Variants in AP4M1 observed in about 807,000 individuals in gnomAD.
AP4M1 encodes AP-4 complex subunit mu-1.
Under a neutral mutation model 62.4 loss-of-function variants are expected in AP4M1, and 58 were observed. The observed-to-expected ratio is 0.93, with a 90% confidence interval of 0.75 to 1.16. AP4M1 has a LOEUF of 1.16. AP4M1 is among the 50% of genes most tolerant of loss of function. The pLI is 0.00. For missense variants in AP4M1, 626 were observed against 585.4 expected (o/e 1.07, Z -0.72); for synonymous variants, 290 against 239.7 (o/e 1.21, Z -1.94).
chr7:100,108,501 G>T lies in AP4M1; in HGVS notation c.*1619G>T. On this transcript the variant is annotated 3_prime_UTR_variant, in exon 15 of 15. Coordinates refer to ENST00000359593, the MANE Select transcript of AP4M1 (RefSeq NM_004722.4). ...GCCCGATAGGCGTCCTGATTGTCAG[G>T]CGGTGGGCGCAGCTTTGCCAGAACA... 1 of 1,613,420 alleles carries T rather than the reference G, an allele frequency of 6.2e-7. No individual in the cohort carries two copies. Among genetic ancestry groups the T allele is most frequent in the Non-Finnish European group, 8.5e-7 (1 of 1,179,476 alleles).
chr7:100,102,842 C>G, intron 3 of AP4M1, 22 bp from the exon 4 acceptor site: 3 of 1,613,714 alleles, frequency 1.9e-6, no homozygotes, highest in Non-Finnish European at 2.5e-6. Flanking sequence ...GGAGAAAATA[C>G]ACGCTCCAAG....
At chr7:100,102,224 T>C (rs928062040) in intron 2 of AP4M1, 16 of 529,580 alleles carry the variant, frequency 3.0e-5, no homozygotes, top group Non-Finnish European at 5.3e-5. Flanking sequence ...CTACTAAAAA[T>C]ACAAAAAAAA....
In AP4M1 at chr7:100,103,663, C is replaced by T. The variant is rs141174349; in HGVS notation, c.514C>T (p.Arg172Cys). 101 of 1,613,196 alleles carry T rather than the reference C, an allele frequency of 6.3e-5. No individual in the cohort carries two copies. In the South Asian group the frequency reaches 6.7e-4, roughly 11 times the overall value. ...SKVAPSSAAS[R>C]PVLSSRSDQS... The stretch of plus-strand genomic sequence containing the variant: ...AGTGGCCCCCAGCAGTGCAGCCAGC[C>T]GCCCCGTCCTGTCCAGTCGCTCTGA... The change falls in exon 6 of 15, where the codon CGC (arginine) becomes TGC (cysteine). Residue 172 changes from arginine (R) to cysteine (C), a missense_variant. Arg to Cys is a radical substitution (Grantham distance 180). Coordinates refer to ENST00000359593, the MANE Select transcript of AP4M1 (RefSeq NM_004722.4).
In AP4M1 at chr7:100,107,158, T is replaced by C; in HGVS notation, c.*276T>C. On this transcript the variant is annotated 3_prime_UTR_variant, in exon 15 of 15. Coordinates refer to ENST00000359593, the MANE Select transcript of AP4M1 (RefSeq NM_004722.4). ...GACATGAAGGAAGCAATCTACAACT[T>C]CCTTCCGCTTAGCGAGCATGCATGT... The C allele has an allele frequency of 6.7e-7, 1 of 1,495,124 alleles. No individual in the cohort carries two copies. The highest frequency in any genetic ancestry group is 8.9e-7 in the Non-Finnish European group (1 of 1,121,036). The allele number at this position is 1,495,124 out of a possible 1,614,324, so 92.6% of individuals were successfully genotyped here. A position where few individuals can be genotyped will look rare whatever the true frequency, so the allele number is the denominator to read the frequency against.
rs199843455 is a variant in AP4M1 at position 100,107,347 on chromosome 7, C to G, written c.*465C>G. ...CTGTCCCCAGCCTCCTGCTTCCCCC[C>G]ACAAAGGGCACTGCCGCTGAGTGGG... is the stretch of plus-strand genomic sequence containing the variant. On this transcript the variant is annotated 3_prime_UTR_variant, in exon 15 of 15. Transcript: ENST00000359593. 12 of 1,553,170 alleles carry G rather than the reference C, an allele frequency of 7.7e-6. No homozygotes were observed. In the Admixed American group the frequency reaches 1.6e-4, roughly 20 times the overall value.
In AP4M1 at chr7:100,104,159, G is replaced by A. The variant is rs1472137971; in HGVS notation, c.606+5G>A. 1.2e-6 allele frequency: 2 copies of A among 1,613,730 alleles called. No homozygotes were observed. Among genetic ancestry groups the A allele is most frequent in the African/African-American group, 1.3e-5 (1 of 75,046 alleles). ...TCTGTACTGATAGCATCTAATGTAA[G>A]TTTGAGCTCCCAAACCTGGAGCTGA... On this transcript the variant is annotated splice_donor_5th_base_variant and intron_variant, in intron 7 of 14. Coordinates refer to ENST00000359593, the MANE Select transcript of AP4M1 (RefSeq NM_004722.4).
At chr7:100,102,245 G>A in intron 2 of AP4M1, 1 of 576,002 alleles carries the variant, frequency 1.7e-6, no homozygotes, top group Non-Finnish European at 3.1e-6. Context: ...AAAAAACATA[G>A]CTGGGCGTGG....
chr7:100,108,459 C>A lies in AP4M1; in HGVS notation c.*1577C>A. On this transcript the variant is annotated 3_prime_UTR_variant, in exon 15 of 15. Transcript: ENST00000359593. ...ACCACCTGGGAGCAGAGGAGGGGCC[C>A]AAGGGACCCGAATTCTGCCCGATAG... 1 of 1,614,000 alleles carries A rather than the reference C, an allele frequency of 6.2e-7. No homozygotes were observed. Among genetic ancestry groups the A allele is most frequent in the Non-Finnish European group, 8.5e-7 (1 of 1,179,928 alleles).
rs1796695195 is a variant in AP4M1 at position 100,107,767 on chromosome 7, C to T, written c.*885C>T. The stretch of plus-strand genomic sequence containing the variant: ...GACAGCTATGGCTGGAGACCTTGTT[C>T]ATGCAGGGCAGCTACAGCCCTGCAG... On this transcript the variant is annotated 3_prime_UTR_variant, in exon 15 of 15. Transcript: ENST00000359593. 2 of 1,403,710 alleles carry T rather than the reference C, an allele frequency of 1.4e-6. No individual in the cohort carries two copies. The highest frequency in any genetic ancestry group is 2.7e-5 in the Admixed American group (1 of 36,804). 87.0% of individuals were successfully genotyped at this position (1,403,710 alleles called of 1,614,324 possible).
In AP4M1 at chr7:100,105,982, G is replaced by A. The variant is rs531148057; in HGVS notation, c.953G>A (p.Arg318Gln). Residue 318 changes from arginine to glutamine, a missense_variant, in exon 12 of 15, where the codon CGA (arginine) becomes CAA (glutamine). Coordinates refer to ENST00000359593, the MANE Select transcript of AP4M1 (RefSeq NM_004722.4). ...SGRLQVYLKL[R>Q]CDLLSKSQAL... Reference sequence around the variant, plus strand: ...AGGCTCCAGGTTTATCTAAAGTTGCGATGTGACCTGCTCTCAAAGAGGTAA... The same window carrying A: ...AGGCTCCAGGTTTATCTAAAGTTGCAATGTGACCTGCTCTCAAAGAGGTAA... 177 of 1,614,148 alleles carry A rather than the reference G, an allele frequency of 1.1e-4. 2 individuals carry two copies. The South Asian group carries it at 1.8e-3, about 16-fold the overall frequency.
chr7:100,106,562 G>GGGCCC, intron 14 of AP4M1, 48 bp downstream of exon 14: 1 of 1,514,874 alleles, frequency 6.6e-7, no homozygotes, highest in Non-Finnish European at 9.1e-7. Context: ...TTCACTTGCA[G>GGGCCC]CCCCCACCCC....
Position 100,107,841 on chromosome 7 carries a change from A to G in AP4M1, c.*959A>G. The G allele has an allele frequency of 6.7e-7, 1 of 1,487,354 alleles. No homozygotes were observed. Among genetic ancestry groups the G allele is most frequent in the Non-Finnish European group, 9.0e-7 (1 of 1,105,278 alleles). 92.1% of individuals were successfully genotyped at this position (1,487,354 alleles called of 1,614,324 possible). ...GCTCTTGACTTGGGGCCCAGAGGGG[A>G]CTGTGCTCTACTCCTGGGCCTCCCC... is the stretch of plus-strand genomic sequence containing the variant. On this transcript the variant is annotated 3_prime_UTR_variant, in exon 15 of 15. Transcript: ENST00000359593.
chr7:100,101,430 C>T (rs2116609961), upstream of AP4M1: 1 of 1,217,996 alleles, frequency 8.2e-7, no homozygotes, highest in Non-Finnish European at 1.2e-6. Context: ...GTGACCGGCG[C>T]CACTGCGTGC....
At chr7:100,103,355 C>G (rs1796214215) in intron 4 of AP4M1, 54 bp from the exon 5 acceptor site, 1 of 1,504,522 alleles carries the variant, frequency 6.6e-7, no homozygotes, top group South Asian at 1.1e-5. Context: ...CCCACTCCCC[C>G]TCTTTACCCC....
Position 100,108,196 on chromosome 7 carries a change from C to A in AP4M1, c.*1314C>A. ...AGGAGTCTGAAGGGAGAGGCCTGGG[C>A]TCCCCTCGCTCTTCCTCAGTGGCTC... On this transcript the variant is annotated 3_prime_UTR_variant, in exon 15 of 15. Coordinates refer to ENST00000359593, the MANE Select transcript of AP4M1 (RefSeq NM_004722.4). The A allele has an allele frequency of 6.7e-7, 1 of 1,488,016 alleles. No homozygotes were observed. The highest frequency in any genetic ancestry group is 9.0e-7 in the Non-Finnish European group (1 of 1,114,016). The allele number at this position is 1,488,016 out of a possible 1,614,324, so 92.2% of individuals were successfully genotyped here.
At position 100,106,014 on chromosome 7, in the gene AP4M1, G is replaced by A; in HGVS notation, c.974+11G>A. 1 of 1,614,144 alleles carries A rather than the reference G, an allele frequency of 6.2e-7. No homozygotes were observed. Among genetic ancestry groups the A allele is most frequent in the Non-Finnish European group, 8.5e-7 (1 of 1,179,998 alleles). ...CCTGCTCTCAAAGAGGTAAGAGTGA[G>A]GCTGGCCTGGCTGAGTTCAGCTCTA... On this transcript the variant is annotated intron_variant, in intron 12 of 14. Transcript: ENST00000359593.
rs759821383 is a variant in AP4M1, at chr7:100,101,888, G to T, written c.67G>T (p.Asp23Tyr). Reference protein sequence around the residue: ...DPLIYKDFRGDSGGRDVAELF... With the variant: ...DPLIYKDFRGYSGGRDVAELF... ...GTCCTTCCACCCGCCAGTCCGCGGG[G>T]ACAGTGGCGGCCGGGATGTGGCCGA... Residue 23 changes from aspartate to tyrosine, a missense_variant, in exon 2 of 15, where the codon GAC (aspartate) becomes TAC (tyrosine). Physicochemically the swap from Asp to Tyr is radical, Grantham distance 160. Transcript: ENST00000359593. 2.5e-6 allele frequency: 4 copies of T among 1,613,258 alleles called. No individual in the cohort carries two copies. In the Admixed American group the frequency reaches 6.7e-5, roughly 27 times the overall value.
At chr7:100,106,330 G>A (rs768136696) in intron 13 of AP4M1, 39 bp downstream of exon 13, 2 of 1,613,606 alleles carry the variant, frequency 1.2e-6, no homozygotes, top group Admixed American at 3.3e-5. Flanking sequence ...TTCCTGGGGA[G>A]AGAGTGAGCT....
upstream of AP4M1, chr7:100,101,636 A>G: frequency 7.1e-7 from 1 of 1,406,562 alleles, no homozygotes; most frequent in Admixed American, 1.7e-5. Flanking sequence ...GCCAGCGCAC[A>G]CGCGTTCTTT....
Sources: allele counts gnomAD v4.1 joint callset, GRCh38; gene constraint gnomAD v4.1.1; transcripts MANE v1.5; gene names NCBI Gene and HGNC (gene_info 2026-07-23, HGNC 2026-07-21).